EDN1: variants seen among roughly 807,000 people sequenced by gnomAD.
EDN1 encodes the protein endothelin-1.
In EDN1, 11 loss-of-function variants were observed where a neutral mutation model predicts 21.7. The ratio of observed to expected loss-of-function variants is 0.51; its 90% confidence interval spans 0.32 to 0.84. EDN1 has a LOEUF of 0.84. Ranked by LOEUF, EDN1 falls within the 40% of genes least tolerant of loss-of-function variation. The probability of loss-of-function intolerance (pLI) is 0.03; values close to 1 mark genes in which losing one functional copy is unlikely to be tolerated. For missense variants in EDN1, 244 were observed against 262.3 expected, an observed-to-expected ratio of 0.93 and a Z score of 0.48; for synonymous variants, 85 against 90.6, an observed-to-expected ratio of 0.94 and a Z score of 0.35.
intron 4 of EDN1, 77 bp from the exon 5 acceptor site, chr6:12,295,885 C>CTAAT: frequency 6.8e-7 from 1 of 1,476,116 alleles, no homozygotes; most frequent in Non-Finnish European, 9.4e-7. Context: ...GTGCCAGATT[C>CTAAT]TAATTTTACA....
At chr6:12,293,411 C>T (rs911357381) in intron 2 of EDN1, among the ~76,000 whole-genome samples, 1 of 152,196 alleles carries the variant, frequency 6.6e-6, no homozygotes, top group Non-Finnish European at 1.5e-5. Flanking sequence ...CACCGACTGG[C>T]AGGAGAAATG....
At chr6:12,258,839 T>C in the EDN1 span, among the ~76,000 whole-genome samples, 2 of 152,128 alleles carry the variant, frequency 1.3e-5, no homozygotes, top group Admixed American at 6.5e-5. Flanking sequence ...CCTAACACCA[T>C]GATGAAACTG....
At chr6:12,251,403 G>T in the EDN1 span, among the ~76,000 whole-genome samples, 1 of 152,182 alleles carries the variant, frequency 6.6e-6, no homozygotes, top group African/African-American at 2.4e-5. Flanking sequence ...CATCAAACTT[G>T]AGGTGTCATT....
chr6:12,273,170 G>A, the EDN1 span, among the ~76,000 whole-genome samples: 1,600 of 152,292 alleles, frequency 0.011, 25 homozygotes, highest in African/African-American at 0.035. Context: ...GGTCAGAGGA[G>A]GCCTCCCCAG....
In EDN1 at chr6:12,296,173, G is replaced by A; in HGVS notation, c.*106G>A. On this transcript the variant is annotated 3_prime_UTR_variant, in exon 5 of 5. Coordinates refer to ENST00000379375, the MANE Select transcript of EDN1 (RefSeq NM_001955.5). Reference sequence around the variant, plus strand: ...ATCAGAGCAGGAGCATCCTCTGCTGGTTCCTGACTGGCAAAGGACCAGCGT... The same window carrying A: ...ATCAGAGCAGGAGCATCCTCTGCTGATTCCTGACTGGCAAAGGACCAGCGT... The A allele has an allele frequency of 3.0e-6, 3 of 1,013,280 alleles. No homozygotes were observed. The highest frequency in any genetic ancestry group is 4.7e-6 in the Non-Finnish European group (3 of 638,834). The allele number at this position is 1,013,280 out of a possible 1,614,324, so 62.8% of individuals were successfully genotyped here. A position where few individuals can be genotyped will look rare whatever the true frequency, so the allele number is the denominator to read the frequency against.
the EDN1 span, among the ~76,000 whole-genome samples, chr6:12,282,925 C>T: frequency 6.6e-6 from 1 of 151,920 alleles, no homozygotes; most frequent in African/African-American, 2.4e-5. Context: ...ATAGCAATAT[C>T]AATAAATGCT....
At chr6:12,230,844 C>T in the EDN1 span, among the ~76,000 whole-genome samples, 16 of 152,108 alleles carry the variant, frequency 1.1e-4, no homozygotes, top group Non-Finnish European at 1.2e-4. Context: ...ATTTGTTCTT[C>T]TCTATTAAGT....
intron 4 of EDN1, 93 bp downstream of exon 4, chr6:12,294,497 T>C (rs1762772414): frequency 6.8e-7 from 1 of 1,476,696 alleles, no homozygotes; most frequent in African/African-American, 1.4e-5. Flanking sequence ...CAGCCCTTCT[T>C]ACCCGGGCAG....
chr6:12,245,993 T>G, the EDN1 span, among the ~76,000 whole-genome samples: 2 of 149,590 alleles, frequency 1.3e-5, no homozygotes, highest in African/African-American at 4.9e-5. Flanking sequence ...AATGTTGTAT[T>G]TACATGACCC....
At chr6:12,251,335 T>C in the EDN1 span, among the ~76,000 whole-genome samples, 2 of 152,152 alleles carry the variant, frequency 1.3e-5, no homozygotes, top group Middle Eastern at 3.2e-3. Context: ...TAAAAATCAA[T>C]AAAGCAAGTA....
the EDN1 span, among the ~76,000 whole-genome samples, chr6:12,258,790 C>T: frequency 5.4e-3 from 817 of 152,224 alleles, 10 homozygotes; most frequent in African/African-American, 0.019. Flanking sequence ...CTATCTCTAT[C>T]AGCAGTGCCT....
the EDN1 span, among the ~76,000 whole-genome samples, chr6:12,275,460 T>C: frequency 2.6e-5 from 4 of 152,142 alleles, no homozygotes; most frequent in African/African-American, 9.7e-5. Flanking sequence ...AGCAGATCTG[T>C]AGTTGTTTAT....
chr6:12,243,981 T>C, the EDN1 span, among the ~76,000 whole-genome samples: 1 of 152,200 alleles, frequency 6.6e-6, no homozygotes, highest in Non-Finnish European at 1.5e-5. Flanking sequence ...GTTATCTCAC[T>C]GCAGACTATA....
At chr6:12,265,912 G>T in the EDN1 span, among the ~76,000 whole-genome samples, 1 of 152,224 alleles carries the variant, frequency 6.6e-6, no homozygotes, top group East Asian at 1.9e-4. Context: ...ATGGTGCAAG[G>T]CTACCCTGGT....
chr6:12,248,303 T>G, the EDN1 span, among the ~76,000 whole-genome samples: 1 of 152,170 alleles, frequency 6.6e-6, no homozygotes, highest in Non-Finnish European at 1.5e-5. Context: ...TCGGCCACCT[T>G]GGTCTGAAAC....
At chr6:12,284,306 T>A in the EDN1 span, among the ~76,000 whole-genome samples, 69 of 152,300 alleles carry the variant, frequency 4.5e-4, 1 homozygote, top group East Asian at 0.013. Context: ...AAGTTGAGAA[T>A]GATTGAAGTT....
the EDN1 span, among the ~76,000 whole-genome samples, chr6:12,270,714 G>T: frequency 1.3e-5 from 2 of 152,274 alleles, 1 homozygote; most frequent in Admixed American, 1.3e-4. Flanking sequence ...TCCTGAGAAG[G>T]TTTCATGTGC....
the EDN1 span, among the ~76,000 whole-genome samples, chr6:12,281,615 A>G: frequency 2.0e-5 from 3 of 152,250 alleles, no homozygotes; most frequent in Non-Finnish European, 4.4e-5. Context: ...TGGATGATCT[A>G]TATTTGGACC....
At chr6:12,287,435 C>T (rs1240480559), upstream of EDN1, among the ~76,000 whole-genome samples, 2 of 151,906 alleles carry the variant, frequency 1.3e-5, no homozygotes, top group African/African-American at 4.8e-5. Flanking sequence ...TGTTGGGGTT[C>T]TCCTTCTCCC....
Sources: gnomAD v4.1 joint callset for allele counts (sites outside exome capture counted in the v4.1 genomes callset) on GRCh38, gnomAD v4.1.1 for gene constraint, MANE v1.5 for transcripts, NCBI Gene and HGNC (gene_info 2026-07-23, HGNC 2026-07-21) for gene names.